The following SCN2A variants were observed in gnomAD, a reference collection of about 807,000 sequenced individuals.
SCN2A encodes sodium channel protein type 2 subunit alpha.
Under a neutral mutation model 188.7 loss-of-function variants are expected in SCN2A, and 20 were observed. The observed-to-expected ratio is 0.11, with a 90% CI of 0.07 to 0.15. SCN2A has a LOEUF of 0.15. SCN2A is among the 10% of genes least tolerant of loss of function. The probability of loss-of-function intolerance (pLI) is 1.00; values close to 1 mark genes in which losing one functional copy is unlikely to be tolerated. For missense variants in SCN2A, 1,278 were observed against 2,445.0 expected, an observed-to-expected ratio of 0.52 and a Z score of 10.07; for synonymous variants, 804 against 833.1, an observed-to-expected ratio of 0.97 and a Z score of 0.60.
At chr2:165,281,048 C>T (rs1209578842) in intron 1 of SCN2A, among the ~76,000 whole-genome samples, 1 of 152,042 alleles carries the variant, frequency 6.6e-6, no homozygotes, top group Non-Finnish European at 1.5e-5. Flanking sequence ...ATAGCAAGAC[C>T]CTCATCTCTA....
At chr2:165,350,587 C>T (rs1195004206) in intron 16 of SCN2A, among the ~76,000 whole-genome samples, 1 of 147,308 alleles carries the variant, frequency 6.8e-6, no homozygotes, top group Non-Finnish European at 1.5e-5. Context: ...ATTCTCCTGC[C>T]TCAGCCTCCC....
At chr2:165,290,707 GT>G in intron 1 of SCN2A, 1 of 907,810 alleles carries the variant, frequency 1.1e-6, no homozygotes, top group Non-Finnish European at 1.3e-6. Flanking sequence ...GATAATTGAA[GT>G]TGACACTCAT....
intron 26 of SCN2A, among the ~76,000 whole-genome samples, chr2:165,388,066 T>C (rs897858178): frequency 1.3e-5 from 2 of 152,148 alleles, no homozygotes; most frequent in Non-Finnish European, 2.9e-5. Flanking sequence ...AGAAAAGACT[T>C]AGTAAATGTT....
Position 165,373,221 on chromosome 2 carries a change from A to G in SCN2A, c.3850-4A>G. 1.2e-6 allele frequency: 2 copies of G among 1,613,138 alleles called. No homozygotes were observed. The highest frequency in any genetic ancestry group is 2.2e-5 in the East Asian group (1 of 44,842). The stretch of plus-strand genomic sequence containing the variant: ...AAGAAAATTGTGTTGCTTTTTCTGT[A>G]TAGGTCTCACTGGTTAGCTTAACTG... On this transcript the variant is annotated splice_region_variant and splice_polypyrimidine_tract_variant and intron_variant, in intron 20 of 26. Coordinates refer to ENST00000375437, the MANE Select transcript of SCN2A (RefSeq NM_001040142.2).
intron 14 of SCN2A, among the ~76,000 whole-genome samples, chr2:165,332,280 A>G (rs116559851): frequency 1.3e-3 from 191 of 152,136 alleles, no homozygotes; most frequent in African/African-American, 4.5e-3. Context: ...TGTAAATAAT[A>G]CGGTCTAAAG....
At chr2:165,355,115 G>A (rs539140903) in intron 17 of SCN2A, among the ~76,000 whole-genome samples, 55 of 152,212 alleles carry the variant, frequency 3.6e-4, no homozygotes, top group African/African-American at 1.3e-3. Context: ...AAATAGTATT[G>A]TATTTTGTTT....
intron 7 of SCN2A, among the ~76,000 whole-genome samples, chr2:165,311,362 G>A (rs182690939): frequency 2.6e-5 from 4 of 152,096 alleles, no homozygotes; most frequent in Non-Finnish European, 5.9e-5. Flanking sequence ...GAAGTTATAT[G>A]TCATGCCTTA....
chr2:165,306,351 C>T (rs572366803), intron 3 of SCN2A, among the ~76,000 whole-genome samples: 9 of 152,186 alleles, frequency 5.9e-5, no homozygotes, highest in Non-Finnish European at 8.8e-5. Context: ...CAATCTGCCA[C>T]GGGGTGTTAT....
At chr2:165,337,483 T>G (rs1250497533) in intron 14 of SCN2A, among the ~76,000 whole-genome samples, 1 of 152,088 alleles carries the variant, frequency 6.6e-6, no homozygotes, top group South Asian at 2.1e-4. Context: ...TATAAAATGT[T>G]AGTGAACATC....
intron 1 of SCN2A, among the ~76,000 whole-genome samples, chr2:165,290,184 C>T (rs902012972): frequency 2.6e-5 from 4 of 152,062 alleles, no homozygotes; most frequent in African/African-American, 9.7e-5. Flanking sequence ...TTAGCACACC[C>T]ATCATCTCAA....
chr2:165,284,282 T>C (rs968862983), intron 1 of SCN2A, among the ~76,000 whole-genome samples: 7 of 152,122 alleles, frequency 4.6e-5, no homozygotes, highest in South Asian at 2.1e-4. Flanking sequence ...GCCATTCTCC[T>C]GCCTCAGCCT....
At position 165,314,831 on chromosome 2, in the gene SCN2A, C is replaced by T. The variant is rs188629639; in HGVS notation, c.1384-640C>T. Among the ~76,000 whole-genome samples, 80 of 152,128 alleles carry T rather than the reference C, an allele frequency of 5.3e-4. 1 individual carries two copies. Among genetic ancestry groups the T allele is most frequent in the Non-Finnish European group, 1.0e-3 (69 of 67,970 alleles). On this transcript the variant is annotated intron_variant, in intron 10 of 26. Transcript: ENST00000375437. ...GGTGAATACAATTCCCTTTTATTACCGAGTATTCCTAAATATGTAATAAAG... is the reference window on the plus strand; with the variant it reads ...GGTGAATACAATTCCCTTTTATTACTGAGTATTCCTAAATATGTAATAAAG...
chr2:165,297,113 G>A lies in SCN2A; in HGVS notation c.364G>A (p.Ala122Thr), dbSNP rs1301903207. 1.3e-6 allele frequency: 2 copies of A among 1,599,448 alleles called. No individual in the cohort carries two copies. Residue 122 changes from alanine (A) to threonine (T), a missense_variant, in exon 3 of 27, where the codon GCT (alanine) becomes ACT (threonine). This residue lies in a region of SCN2A where 141 missense variants were observed against 185.4 expected (regional missense o/e 0.76). Transcript: ENST00000375437. ...LTPFNPIRKL[A>T]IKILVHSLFN... ...TCCCTTCAACCCTATTAGAAAATTA[G>A]CTATTAAGATTTTGGTACATTCATA...
At position 165,316,296 on chromosome 2, in the gene SCN2A, G is replaced by A. The variant is rs990263234; in HGVS notation, c.1671+538G>A. 2.0e-4 allele frequency among the ~76,000 whole-genome samples: 30 copies of A among 152,250 alleles called. 1 individual carries two copies. The highest frequency in any genetic ancestry group is 6.7e-4 in the African/African-American group (28 of 41,554). ...AGGTACTGAGGGAGATTTATGACAC[G>A]AAATAAAAAGTGGTGTTTAGTTGTA... On this transcript the variant is annotated intron_variant, in intron 11 of 26. Transcript: ENST00000375437.
At chr2:165,280,758 G>T (rs989832944) in intron 1 of SCN2A, among the ~76,000 whole-genome samples, 1 of 152,086 alleles carries the variant, frequency 6.6e-6, no homozygotes, top group Admixed American at 6.5e-5. Flanking sequence ...ATCCAGACCT[G>T]CAGCTTTACC....
At chr2:165,294,071 T>C (rs1696365813) in intron 1 of SCN2A, 1 of 978,416 alleles carries the variant, frequency 1.0e-6, no homozygotes, top group Admixed American at 6.3e-5. Flanking sequence ...GATGGAATTT[T>C]AGCTGCAGTC....
intron 1 of SCN2A, among the ~76,000 whole-genome samples, chr2:165,262,192 G>T (rs1386572380): frequency 1.3e-5 from 2 of 151,992 alleles, no homozygotes; most frequent in African/African-American, 4.8e-5. Context: ...AAACATGTGT[G>T]ATGAGGGTTT....
chr2:165,361,369 C>T (rs1294538895), intron 17 of SCN2A, among the ~76,000 whole-genome samples: 3 of 151,948 alleles, frequency 2.0e-5, no homozygotes, highest in Non-Finnish European at 4.4e-5. Context: ...CTTGAACCTA[C>T]AATATTTGAT....
At chr2:165,290,730 A>C in intron 1 of SCN2A, 1 of 981,230 alleles carries the variant, frequency 1.0e-6, no homozygotes, top group Non-Finnish European at 1.2e-6. Flanking sequence ...ATAGAGATTT[A>C]TGAAATATTG....
Sources: gnomAD v4.1 joint callset for allele counts (sites outside exome capture counted in the v4.1 genomes callset) on GRCh38, gnomAD v4.1.1 for gene constraint, gnomAD v4.1.1 regional missense constraint, MANE v1.5 for transcripts, NCBI Gene and HGNC (gene_info 2026-07-23, HGNC 2026-07-21) for gene names.